The following RGL1 variants were observed in gnomAD, a reference collection of about 807,000 sequenced individuals.
The protein encoded by RGL1 is ral guanine nucleotide dissociation stimulator like 1.
RGL1 carries 24 observed loss-of-function variants against 95.2 expected under a neutral mutation model. That is an observed-to-expected ratio of 0.25 (90% CI 0.18 to 0.35). The LOEUF (loss-of-function observed/expected upper bound fraction) is 0.35. Among genes scored for constraint, RGL1 ranks in the 10% least tolerant of loss-of-function variants. RGL1 has a pLI of 1.00. For missense variants in RGL1, 715 were observed against 936.3 expected (o/e 0.76, Z 3.08); for synonymous variants, 329 against 344.9 (o/e 0.95, Z 0.51).
At chr1:183,705,506 T>G (rs1654858755) in intron 1 of RGL1, among the ~76,000 whole-genome samples, 1 of 152,136 alleles carries the variant, frequency 6.6e-6, no homozygotes, top group Non-Finnish European at 1.5e-5. Context: ...AGCCAGGGCC[T>G]GCCCAAAAAG....
chr1:183,689,241 AT>A (rs1222557383), intron 1 of RGL1, among the ~76,000 whole-genome samples: 4 of 152,196 alleles, frequency 2.6e-5, no homozygotes, highest in African/African-American at 9.6e-5. Flanking sequence ...AAATTAAAAA[AT>A]ATATATTCCC....
rs1352894671 is a variant in RGL1, at chr1:183,686,897, A to C, written c.-33+50396A>C. ...GAGAATGCTTGATGTCCTCACCGCT[A>C]CCTTTTTTCTCCCAAAGACTTCTCC... On this transcript the variant is annotated intron_variant, in intron 1 of 18. Coordinates refer to the RGL1 transcript ENST00000304685. Among the ~76,000 whole-genome samples the C allele has an allele frequency of 6.6e-5, 10 of 152,130 alleles. No individual in the cohort carries two copies. The East Asian group carries it at 1.7e-3, about 26-fold the overall frequency.
At chr1:183,852,984 C>T (rs1664918670) in intron 3 of RGL1, among the ~76,000 whole-genome samples, 1 of 152,136 alleles carries the variant, frequency 6.6e-6, no homozygotes, top group Non-Finnish European at 1.5e-5. Context: ...CAATAGCTCC[C>T]TTTTGGGCCA....
At position 183,647,948 on chromosome 1, in the gene RGL1, T is replaced by G. The variant is rs1202810720; in HGVS notation, c.-33+11447T>G. 4 of 1,613,962 alleles carry G rather than the reference T, an allele frequency of 2.5e-6. No individual in the cohort carries two copies. In the Admixed American group the frequency reaches 6.7e-5, roughly 27 times the overall value. On this transcript the variant is annotated intron_variant, in intron 1 of 18. Coordinates refer to the RGL1 transcript ENST00000304685. ...GGTCTGGAGGTAGGTTGGGTTGGAG[T>G]TGTCCACTCGGCATTTGAAAAAACT...
At chr1:183,822,349 A>G (rs1191691152) in intron 2 of RGL1, among the ~76,000 whole-genome samples, 3 of 77,020 alleles carry the variant, frequency 3.9e-5, no homozygotes, top group Admixed American at 1.3e-4. Context: ...AAAGCCACCA[A>G]ACATTTTTTT....
intron 1 of RGL1, among the ~76,000 whole-genome samples, chr1:183,728,877 C>G (rs1270470691): frequency 6.6e-6 from 1 of 152,108 alleles, no homozygotes; most frequent in Non-Finnish European, 1.5e-5. Context: ...CAAGGTAATT[C>G]AATATGGAAA....
intron 2 of RGL1, among the ~76,000 whole-genome samples, chr1:183,840,613 A>G (rs1663987914): frequency 6.6e-6 from 1 of 152,110 alleles, no homozygotes; most frequent in African/African-American, 2.4e-5. Flanking sequence ...CTGTAATGCT[A>G]GCACTTTGAG....
At chr1:183,804,958 A>G (rs1661184974), upstream of RGL1, among the ~76,000 whole-genome samples, 1 of 152,212 alleles carries the variant, frequency 6.6e-6, no homozygotes, top group African/African-American at 2.4e-5. Context: ...TTGTTTCCCA[A>G]TCACCTTCAG....
chr1:183,840,759 G>A (rs546889082), intron 2 of RGL1, among the ~76,000 whole-genome samples: 2 of 152,090 alleles, frequency 1.3e-5, no homozygotes, highest in Admixed American at 6.6e-5. Context: ...AGCTGGGGTG[G>A]TGCGTGCCTG....
intron 3 of RGL1, among the ~76,000 whole-genome samples, chr1:183,851,732 A>G (rs1223293235): frequency 1.3e-5 from 2 of 152,268 alleles, no homozygotes; most frequent in Non-Finnish European, 2.9e-5. Context: ...AATAAGTACA[A>G]ACCTCAACAT....
At chr1:183,643,076 ATGCTGTGGC>A (rs1213777717) in intron 1 of RGL1, among the ~76,000 whole-genome samples, 1 of 152,168 alleles carries the variant, frequency 6.6e-6, no homozygotes, top group Non-Finnish European at 1.5e-5. Context: ...GGGTTCATCC[ATGCTGTGGC>A]AGGTGAATGG....
At chr1:183,840,237 A>C (rs1324384381) in intron 2 of RGL1, among the ~76,000 whole-genome samples, 1 of 152,234 alleles carries the variant, frequency 6.6e-6, no homozygotes, top group Non-Finnish European at 1.5e-5. Flanking sequence ...TCTAAACAAA[A>C]AGGTGAGGGA....
rs1307836741 is a variant in RGL1, at chr1:183,677,249, T to G, written c.-33+40748T>G. ...TGCCATCCTAGATAAAAGCCACAAC[T>G]TCTCTCACTAAATATTTAATCAATT... On this transcript the variant is annotated intron_variant, in intron 1 of 18. Coordinates refer to the RGL1 transcript ENST00000304685. Among the ~76,000 whole-genome samples, 3 of 151,296 alleles carry G rather than the reference T, an allele frequency of 2.0e-5. No homozygotes were observed. The East Asian group carries it at 5.8e-4, about 29-fold the overall frequency.
chr1:183,734,202 C>T (rs555286787), intron 1 of RGL1, among the ~76,000 whole-genome samples: 2 of 152,270 alleles, frequency 1.3e-5, no homozygotes, highest in Admixed American at 6.5e-5. Context: ...TCTTTGCATT[C>T]CTCCCGTGAG....
intron 1 of RGL1, among the ~76,000 whole-genome samples, chr1:183,714,850 C>T (rs148712421): frequency 1.1e-3 from 171 of 152,256 alleles, no homozygotes; most frequent in African/African-American, 4.0e-3. Flanking sequence ...TTGGAGAGTA[C>T]ATGAAGACCC....
At chr1:183,833,501 C>G (rs1241692014) in intron 2 of RGL1, among the ~76,000 whole-genome samples, 1 of 152,130 alleles carries the variant, frequency 6.6e-6, no homozygotes, top group African/African-American at 2.4e-5. Flanking sequence ...TCAGTTTCTG[C>G]CCAGCACTCC....
chr1:183,663,364 A>G (rs1395080197), intron 1 of RGL1, among the ~76,000 whole-genome samples: 1 of 149,678 alleles, frequency 6.7e-6, no homozygotes, highest in Non-Finnish European at 1.5e-5. Context: ...ACAAATTTAC[A>G]AGAAAAAAAC....
intron 11 of RGL1, among the ~76,000 whole-genome samples, chr1:183,901,411 C>T (rs966239608): frequency 4.1e-4 from 62 of 152,080 alleles, no homozygotes; most frequent in Non-Finnish European, 1.5e-4. Flanking sequence ...CACTTGAGCT[C>T]GGGAGGCAGA....
At chr1:183,750,474 G>A (rs965993321) in intron 2 of RGL1, among the ~76,000 whole-genome samples, 5 of 152,132 alleles carry the variant, frequency 3.3e-5, no homozygotes, top group Admixed American at 1.3e-4. Context: ...CCTTTTTGAA[G>A]GTTCTTAGCT....
Sources: gnomAD v4.1 joint callset for allele counts (sites outside exome capture counted in the v4.1 genomes callset) on GRCh38, gnomAD v4.1.1 for gene constraint, MANE v1.5 for transcripts, NCBI Gene and HGNC (gene_info 2026-07-23, HGNC 2026-07-21) for gene names.